Variants in PTPRZ1 observed in about 807,000 individuals in gnomAD.
PTPRZ1 encodes protein tyrosine phosphatase receptor type Z1.
In PTPRZ1, 82 loss-of-function variants were observed where a neutral mutation model predicts 214.1. That is an observed-to-expected ratio of 0.38 (90% confidence interval 0.32 to 0.46). PTPRZ1 has a LOEUF of 0.46. PTPRZ1 is among the 20% of genes least tolerant of loss of function. The pLI is 1.00. For missense variants in PTPRZ1, 2,603 were observed against 2,748.7 expected, an observed-to-expected ratio of 0.95 and a Z score of 1.19; for synonymous variants, 945 against 987.9, an observed-to-expected ratio of 0.96 and a Z score of 0.81.
chr7:121,904,022 A>G (rs1795049514), intron 1 of PTPRZ1, among the ~76,000 whole-genome samples: 2 of 149,034 alleles, frequency 1.3e-5, no homozygotes, highest in African/African-American at 4.9e-5. Context: ...TTAGACGATA[A>G]TAAAATTTGA....
chr7:121,992,120 A>C (rs1169683586), intron 8 of PTPRZ1, among the ~76,000 whole-genome samples: 1 of 151,778 alleles, frequency 6.6e-6, no homozygotes, highest in Non-Finnish European at 1.5e-5. Context: ...GTCTCAGGTA[A>C]TTATGACATT....
At chr7:121,980,098 A>G (rs993493130) in intron 6 of PTPRZ1, among the ~76,000 whole-genome samples, 7 of 151,992 alleles carry the variant, frequency 4.6e-5, no homozygotes, top group Admixed American at 3.3e-4. Flanking sequence ...CTTTCCCAAT[A>G]ATAGGAAAAT....
intron 9 of PTPRZ1, 78 bp downstream of exon 9, chr7:121,996,644 A>G (rs1798147547): frequency 3.5e-6 from 4 of 1,156,488 alleles, no homozygotes; most frequent in Non-Finnish European, 4.7e-6. Flanking sequence ...AAATGGTTGT[A>G]TATTATTTTC....
At chr7:122,053,823 A>G (rs1792263540) in intron 25 of PTPRZ1, 87 bp from the exon 26 acceptor site, 2 of 1,481,858 alleles carry the variant, frequency 1.3e-6, no homozygotes, top group Non-Finnish European at 1.8e-6. Context: ...GACTATTTTG[A>G]CTTAAGGTCC....
chr7:121,886,566 A>C (rs1794404412), intron 1 of PTPRZ1, among the ~76,000 whole-genome samples: 2 of 152,154 alleles, frequency 1.3e-5, no homozygotes, highest in South Asian at 4.1e-4. Context: ...TCTTGCCAAG[A>C]TATATACTGT....
At chr7:121,874,701 C>A (rs1793999149) in intron 1 of PTPRZ1, among the ~76,000 whole-genome samples, 1 of 152,096 alleles carries the variant, frequency 6.6e-6, no homozygotes, top group Non-Finnish European at 1.5e-5. Context: ...CCATAGACCC[C>A]CACACACGGA....
intron 6 of PTPRZ1, among the ~76,000 whole-genome samples, chr7:121,983,330 G>T (rs1797670373): frequency 6.6e-6 from 1 of 152,112 alleles, no homozygotes; most frequent in Non-Finnish European, 1.5e-5. Flanking sequence ...GAATAAGGTT[G>T]TGTTTTTATT....
intron 20 of PTPRZ1, 133 bp downstream of exon 20, chr7:122,039,721 A>G: frequency 3.5e-6 from 4 of 1,128,546 alleles, no homozygotes; most frequent in Middle Eastern, 3.1e-4. Context: ...TAACCAGGCC[A>G]GGTGCATGGC....
At chr7:121,940,997 T>G (rs970668898) in intron 2 of PTPRZ1, among the ~76,000 whole-genome samples, 6 of 152,234 alleles carry the variant, frequency 3.9e-5, no homozygotes, top group Non-Finnish European at 8.8e-5. Context: ...AAGTGAAGCC[T>G]TCTTTCCTGA....
chr7:121,972,630 A>G lies in PTPRZ1; in HGVS notation c.394A>G (p.Lys132Glu). 6.2e-7 allele frequency: 1 copy of G among 1,613,630 alleles called. No individual in the cohort carries two copies. ...KASKITFHWG[K>E]CNMSSDGSEH... Reference sequence around the variant, plus strand: ...AAGCAAGATAACTTTTCACTGGGGAAAATGCAATATGTCATCTGATGGATC... The same window carrying G: ...AAGCAAGATAACTTTTCACTGGGGAGAATGCAATATGTCATCTGATGGATC... Residue 132 changes from lysine to glutamate, a missense_variant, in exon 4 of 30, where the codon AAA (lysine) becomes GAA (glutamate). Lys to Glu is a moderately conservative substitution (Grantham distance 56). Transcript: ENST00000393386.
intron 2 of PTPRZ1, among the ~76,000 whole-genome samples, chr7:121,957,707 T>C (rs1796750196): frequency 6.6e-6 from 1 of 152,178 alleles, no homozygotes; most frequent in African/African-American, 2.4e-5. Context: ...ATTCTTTCTT[T>C]TACAGATAAG....
intron 6 of PTPRZ1, among the ~76,000 whole-genome samples, chr7:121,983,450 T>G (rs1797674221): frequency 6.6e-6 from 1 of 152,258 alleles, no homozygotes; most frequent in African/African-American, 2.4e-5. Flanking sequence ...ACCATCTTGA[T>G]GTAAAGATAA....
chr7:121,948,885 A>G (rs1011512812), intron 2 of PTPRZ1, among the ~76,000 whole-genome samples: 12 of 152,206 alleles, frequency 7.9e-5, no homozygotes, highest in African/African-American at 2.9e-4. Context: ...GAACCCATGC[A>G]TTCTGAACAT....
intron 13 of PTPRZ1, among the ~76,000 whole-genome samples, chr7:122,023,663 GTATAATTTTATA>G (rs1306034157): frequency 8.1e-6 from 1 of 122,984 alleles, no homozygotes; most frequent in African/African-American, 3.2e-5. Context: ...TATATTATAT[GTATAATTTTATA>G]TATAATTTTA....
intron 12 of PTPRZ1, among the ~76,000 whole-genome samples, chr7:122,017,223 T>G (rs182824978): frequency 3.1e-4 from 47 of 152,310 alleles, no homozygotes; most frequent in Admixed American, 1.3e-3. Flanking sequence ...GATGTTTTTC[T>G]AAATTTTATA....
intron 2 of PTPRZ1, among the ~76,000 whole-genome samples, chr7:121,957,019 C>T (rs1204957604): frequency 6.6e-6 from 1 of 152,188 alleles, no homozygotes; most frequent in Non-Finnish European, 1.5e-5. Flanking sequence ...ATATTTCAAA[C>T]TGTACGGTCA....
In PTPRZ1 at chr7:121,968,235, A is replaced by G. The variant is rs922957646; in HGVS notation, c.304+105A>G. 1.9e-5 allele frequency: 19 copies of G among 982,878 alleles called. No individual in the cohort carries two copies. In the African/African-American group the frequency reaches 2.7e-4, roughly 14 times the overall value. The allele number at this position is 982,878 out of a possible 1,614,324, so 60.9% of individuals were successfully genotyped here. On this transcript the variant is annotated intron_variant, in intron 3 of 29. Transcript: ENST00000393386. ...CTTTGAATAGTGTACTATGAACTAG[A>G]TAGAAGTTACATGTAGAAGAAACCA...
chr7:121,874,039 G>GATAC (rs1793972200), intron 1 of PTPRZ1, among the ~76,000 whole-genome samples: 1 of 147,820 alleles, frequency 6.8e-6, no homozygotes, highest in South Asian at 2.1e-4. Context: ...GTGAATTGCA[G>GATAC]ACACACACAC....
intron 8 of PTPRZ1, among the ~76,000 whole-genome samples, chr7:121,989,346 G>A (rs1464290715): frequency 6.7e-6 from 1 of 148,828 alleles, no homozygotes; most frequent in East Asian, 2.0e-4. Flanking sequence ...CATTTGTCCT[G>A]TGCATAGAAA....
Sources: gnomAD v4.1 joint callset for allele counts (sites outside exome capture counted in the v4.1 genomes callset) on GRCh38, gnomAD v4.1.1 for gene constraint, MANE v1.5 for transcripts, NCBI Gene and HGNC (gene_info 2026-07-23, HGNC 2026-07-21) for gene names.